Variants in TENM4 observed in about 807,000 individuals in gnomAD.
TENM4 encodes the protein teneurin transmembrane protein 4, also known as teneurin-4.
A neutral mutation model predicts 243.3 loss-of-function variants in TENM4; 82 were observed. That is an observed-to-expected ratio of 0.34 (90% CI 0.28 to 0.40). The LOEUF (loss-of-function observed/expected upper bound fraction) is 0.40, where lower values mean the gene tolerates loss of function less well. Among genes scored for constraint, TENM4 ranks in the 10% least tolerant of loss-of-function variants. TENM4 has a pLI of 1.00. For missense variants in TENM4, 3,138 were observed against 3,673.3 expected, an observed-to-expected ratio of 0.85 and a Z score of 3.77; for synonymous variants, 1,412 against 1,456.3, an observed-to-expected ratio of 0.97 and a Z score of 0.69.
Position 78,670,275 on chromosome 11 carries a change from G to C in TENM4, c.6070C>G (p.Leu2024Val). ...AAACTGACCTTGGTGGTGTCATAGA[G>C]CGTCTCTGCCAGCTTTGACAGTTTG... is the stretch of plus-strand genomic sequence containing the variant. ...YGKLSKLAET[L>V]YDTTKVSFTY... Residue 2024 changes from leucine (L) to valine (V), a missense_variant, in exon 32 of 34, where the codon CTC (leucine) becomes GTC (valine). This residue lies in a region of TENM4 where 2,467 missense variants were observed against 3,059.1 expected (regional missense o/e 0.81). Transcript: ENST00000278550. 1 of 1,613,970 alleles carries C rather than the reference G, an allele frequency of 6.2e-7. No individual in the cohort carries two copies. Among genetic ancestry groups the C allele is most frequent in the Non-Finnish European group, 8.5e-7 (1 of 1,179,888 alleles).
chr11:78,884,193 A>C lies in TENM4; in HGVS notation c.1084+5592T>G, dbSNP rs531768515. On this transcript the variant is annotated intron_variant, in intron 9 of 33. Transcript: ENST00000278550. ...AACTGAGGCAGAGAGAGGTTGTGTA[A>C]ACTCGCCAAATGTCACAAAGCTTGG... 2.6e-5 allele frequency among the ~76,000 whole-genome samples: 4 copies of C among 152,248 alleles called. No individual in the cohort carries two copies. The South Asian group carries it at 8.3e-4, about 32-fold the overall frequency.
intron 2 of TENM4, among the ~76,000 whole-genome samples, chr11:79,226,430 T>A (rs1437882430): frequency 2.0e-5 from 3 of 152,194 alleles, no homozygotes; most frequent in Non-Finnish European, 4.4e-5. Context: ...AGACTTCAGC[T>A]GAAGGCCCCC....
intron 2 of TENM4, among the ~76,000 whole-genome samples, chr11:79,243,449 T>TAAAC (rs536416370): frequency 6.6e-6 from 1 of 152,236 alleles, no homozygotes; most frequent in East Asian, 1.9e-4. Flanking sequence ...ATGCTGAATT[T>TAAAC]AAACAAACAA....
At chr11:79,160,068 T>C (rs913094289) in intron 3 of TENM4, among the ~76,000 whole-genome samples, 1 of 152,108 alleles carries the variant, frequency 6.6e-6, no homozygotes, top group Non-Finnish European at 1.5e-5. Flanking sequence ...CTTCATTCAC[T>C]CCCTTCTCCA....
intron 1 of TENM4, among the ~76,000 whole-genome samples, chr11:79,406,094 A>G (rs538842405): frequency 6.6e-6 from 1 of 152,222 alleles, no homozygotes; most frequent in East Asian, 1.9e-4. Flanking sequence ...CTGACTGTGC[A>G]GACATACAAT....
At chr11:79,224,105 T>G (rs1864213790) in intron 2 of TENM4, among the ~76,000 whole-genome samples, 1 of 152,198 alleles carries the variant, frequency 6.6e-6, no homozygotes, top group Admixed American at 6.5e-5. Context: ...TCTCACCATC[T>G]CTATTGCCCA....
rs142808162 is a variant in TENM4, at chr11:79,063,164, G to T, written c.493+1574C>A. 1.6e-4 allele frequency among the ~76,000 whole-genome samples: 24 copies of T among 152,310 alleles called. 1 individual carries two copies. The East Asian group carries it at 4.4e-3, about 28-fold the overall frequency. ...TGCCACATGGGACTCTGGACCCTAAGGGGATACATTTCCCCCACCTGACCC... is the reference window on the plus strand; with the variant it reads ...TGCCACATGGGACTCTGGACCCTAATGGGATACATTTCCCCCACCTGACCC... On this transcript the variant is annotated intron_variant, in intron 6 of 33. Transcript: ENST00000278550.
chr11:78,900,213 T>C (rs1855897929), intron 7 of TENM4, among the ~76,000 whole-genome samples: 1 of 152,260 alleles, frequency 6.6e-6, no homozygotes, highest in Non-Finnish European at 1.5e-5. Context: ...CATTTGTTTG[T>C]TGTGCAGCAA....
Position 78,834,246 on chromosome 11 carries a change from T to C in TENM4, c.1682-19851A>G, listed in dbSNP as rs1389583818. The stretch of plus-strand genomic sequence containing the variant: ...TCTCTGATCTATACCCCTTTGTGTA[T>C]ATGTTCTTGTTTTACATTGACAGTA... On this transcript the variant is annotated intron_variant, in intron 12 of 33. Coordinates refer to ENST00000278550, the MANE Select transcript of TENM4 (RefSeq NM_001098816.3). Among the ~76,000 whole-genome samples, 3 of 152,240 alleles carry C rather than the reference T, an allele frequency of 2.0e-5. No individual in the cohort carries two copies. In the East Asian group the frequency reaches 5.8e-4, roughly 29 times the overall value.
At chr11:78,927,500 A>T (rs774454794) in intron 6 of TENM4, among the ~76,000 whole-genome samples, 1 of 152,230 alleles carries the variant, frequency 6.6e-6, no homozygotes, top group Non-Finnish European at 1.5e-5. Context: ...TAAAAGAAAT[A>T]TCTAGGGGAT....
At chr11:78,833,116 C>A (rs1858020552) in intron 12 of TENM4, among the ~76,000 whole-genome samples, 1 of 150,472 alleles carries the variant, frequency 6.6e-6, no homozygotes, top group Admixed American at 6.6e-5. Context: ...TCCTTGACCT[C>A]TGTAGCATTA....
At chr11:79,099,523 T>C (rs1861168988) in intron 4 of TENM4, among the ~76,000 whole-genome samples, 1 of 152,164 alleles carries the variant, frequency 6.6e-6, no homozygotes, top group Non-Finnish European at 1.5e-5. Flanking sequence ...GGTCTACTAA[T>C]TGCAATGATC....
intron 2 of TENM4, among the ~76,000 whole-genome samples, chr11:79,227,543 C>A (rs1159883039): frequency 6.6e-6 from 1 of 152,194 alleles, no homozygotes; most frequent in Non-Finnish European, 1.5e-5. Context: ...CCCCTTACAG[C>A]ACTGACTGCT....
At chr11:78,926,678 T>C (rs975713675) in intron 6 of TENM4, among the ~76,000 whole-genome samples, 13 of 112,984 alleles carry the variant, frequency 1.2e-4, no homozygotes, top group Admixed American at 8.0e-4. Flanking sequence ...GTGTTTTTTG[T>C]TTTTTTTTTT....
chr11:79,419,764 A>G (rs934154169), intron 1 of TENM4, among the ~76,000 whole-genome samples: 1 of 152,192 alleles, frequency 6.6e-6, no homozygotes, highest in Non-Finnish European at 1.5e-5. Context: ...GACATCATCC[A>G]CATCTCCACT....
chr11:79,346,047 C>T (rs1475457859), intron 1 of TENM4, among the ~76,000 whole-genome samples: 1 of 152,170 alleles, frequency 6.6e-6, no homozygotes, highest in African/African-American at 2.4e-5. Context: ...TCCCTTCAGT[C>T]CTGACGACCT....
At chr11:79,117,516 C>T (rs930846020) in intron 4 of TENM4, among the ~76,000 whole-genome samples, 17 of 152,106 alleles carry the variant, frequency 1.1e-4, no homozygotes, top group African/African-American at 3.1e-4. Flanking sequence ...GGTGATGGGG[C>T]GGGGGCCAAA....
At chr11:78,687,240 A>T (rs1364913043) in intron 29 of TENM4, among the ~76,000 whole-genome samples, 3 of 151,806 alleles carry the variant, frequency 2.0e-5, no homozygotes, top group Non-Finnish European at 4.4e-5. Flanking sequence ...ACACAGCTTC[A>T]GCTTGCTTTC....
rs1013071364 is a variant in TENM4 at position 79,134,264 on chromosome 11, A to G, written c.-66+14446T>C. On this transcript the variant is annotated intron_variant, in intron 4 of 33. Transcript: ENST00000278550. ...CTTTTACAATAGCTGCAAAAAAATAACATACTTAGGAATCTGCCTAACCAA... is the reference window on the plus strand; with the variant it reads ...CTTTTACAATAGCTGCAAAAAAATAGCATACTTAGGAATCTGCCTAACCAA... Among the ~76,000 whole-genome samples the G allele has an allele frequency of 2.0e-5, 3 of 152,174 alleles. No individual in the cohort carries two copies. In the South Asian group the frequency reaches 6.2e-4, roughly 31 times the overall value.
Sources: gnomAD v4.1 joint callset for allele counts (sites outside exome capture counted in the v4.1 genomes callset) on GRCh38, gnomAD v4.1.1 for gene constraint, gnomAD v4.1.1 regional missense constraint, MANE v1.5 for transcripts, NCBI Gene and HGNC (gene_info 2026-07-23, HGNC 2026-07-21) for gene names.